Variants in NAV1 observed in about 807,000 individuals in gnomAD.
NAV1 encodes pore membrane and/or filament interacting like protein 3.
In NAV1, 18 loss-of-function variants were observed where a neutral mutation model predicts 175.2. The observed-to-expected ratio is 0.10, with a 90% CI of 0.07 to 0.15. The LOEUF (loss-of-function observed/expected upper bound fraction) is 0.15, where lower values mean the gene tolerates loss of function less well. Among genes scored for constraint, NAV1 ranks in the 10% least tolerant of loss-of-function variants. NAV1 has a pLI of 1.00. For missense variants in NAV1, 1,731 were observed against 2,436.6 expected (o/e 0.71, Z 6.10); for synonymous variants, 897 against 978.7 (o/e 0.92, Z 1.56).
chr1:201,705,312 C>G (rs1671623757), intron 1 of NAV1, among the ~76,000 whole-genome samples: 4 of 152,244 alleles, frequency 2.6e-5, no homozygotes, highest in Admixed American at 1.3e-4. Flanking sequence ...ATGCTCCTCT[C>G]TCTGGCCCCA....
At chr1:201,683,039 G>A (rs1028021373) in intron 1 of NAV1, among the ~76,000 whole-genome samples, 12 of 152,068 alleles carry the variant, frequency 7.9e-5, no homozygotes, top group African/African-American at 2.9e-4. Flanking sequence ...CTGGGTTTTA[G>A]CTCATGTTCT....
chr1:201,780,663 T>C (rs1017084831), intron 4 of NAV1, 104 bp downstream of exon 8: 14 of 1,466,502 alleles, frequency 9.5e-6, no homozygotes, highest in African/African-American at 6.9e-5. Flanking sequence ...CTCCATGGGA[T>C]TGGTTCTCAT....
At chr1:201,711,447 T>C (rs938639845) in intron 1 of NAV1, among the ~76,000 whole-genome samples, 15 of 151,706 alleles carry the variant, frequency 9.9e-5, no homozygotes, top group Admixed American at 9.2e-4. Flanking sequence ...CTGAGCTTAG[T>C]CTTGGGGGAA....
rs569189356 is a variant in NAV1 at position 201,737,707 on chromosome 1, G to T, written c.1226+18952G>T. Among the ~76,000 whole-genome samples, 13 of 152,248 alleles carry T rather than the reference G, an allele frequency of 8.5e-5. No individual in the cohort carries two copies. The South Asian group carries it at 2.7e-3, about 32-fold the overall frequency. Reference sequence around the variant, plus strand: ...TAAACCCCTGTGCCTACCCCTTTCAGGCCTCAGATCTCCCTCCTTCCAGGC... The same window carrying T: ...TAAACCCCTGTGCCTACCCCTTTCATGCCTCAGATCTCCCTCCTTCCAGGC... On this transcript the variant is annotated intron_variant, in intron 3 of 29. Coordinates refer to ENST00000367296, the Ensembl canonical transcript of NAV1.
chr1:201,574,666 C>T (rs1016084271), intron 1 of NAV1, among the ~76,000 whole-genome samples: 1 of 152,218 alleles, frequency 6.6e-6, no homozygotes, highest in Non-Finnish European at 1.5e-5. Flanking sequence ...GAACCACAGC[C>T]CAATTCGTGG....
intron 1 of NAV1, among the ~76,000 whole-genome samples, chr1:201,695,620 A>T (rs1008660534): frequency 6.6e-6 from 1 of 152,186 alleles, no homozygotes; most frequent in Non-Finnish European, 1.5e-5. Context: ...TTGGGGACCA[A>T]TCCGAAGGTG....
At chr1:201,691,989 G>T (rs1423765552) in intron 1 of NAV1, among the ~76,000 whole-genome samples, 5 of 152,174 alleles carry the variant, frequency 3.3e-5, no homozygotes, top group Admixed American at 3.3e-4. Context: ...GCCTCTCTTG[G>T]TCATTCTTCA....
At chr1:201,607,115 CTTTTT>C (rs914962230) in intron 2 of NAV1, among the ~76,000 whole-genome samples, 1 of 130,276 alleles carries the variant, frequency 7.7e-6, no homozygotes, top group Non-Finnish European at 1.7e-5. Flanking sequence ...TAATTTTTTT[CTTTTT>C]TTTTTTTTTT....
intron 1 of NAV1, among the ~76,000 whole-genome samples, chr1:201,661,310 C>T (rs1204379014): frequency 1.3e-5 from 2 of 152,152 alleles, no homozygotes; most frequent in Non-Finnish European, 2.9e-5. Flanking sequence ...TCAGTATCTG[C>T]CAAGTACCCT....
intron 1 of NAV1, among the ~76,000 whole-genome samples, chr1:201,652,816 T>G (rs559686455): frequency 2.0e-5 from 3 of 152,178 alleles, no homozygotes; most frequent in African/African-American, 7.2e-5. Flanking sequence ...CACCTCAATT[T>G]ATGATGGGGT....
intron 1 of NAV1, among the ~76,000 whole-genome samples, chr1:201,583,203 C>T (rs371176445): frequency 1.4e-4 from 22 of 152,354 alleles, no homozygotes; most frequent in South Asian, 6.2e-4. Context: ...TTGTGTGCCT[C>T]GGCTGGGCTC....
intron 2 of NAV1, among the ~76,000 whole-genome samples, chr1:201,609,446 G>A (rs1274789565): frequency 6.6e-6 from 1 of 152,202 alleles, no homozygotes; most frequent in Non-Finnish European, 1.5e-5. Context: ...TAATCCCCAC[G>A]ATCTCTCCTG....
At chr1:201,641,329 A>G (rs79802400) in intron 2 of NAV1, among the ~76,000 whole-genome samples, 2,228 of 152,234 alleles carry the variant, frequency 0.015, 48 homozygotes, top group African/African-American at 0.05. Flanking sequence ...GGTGACTGCA[A>G]CTGCTTCTGC....
intron 3 of NAV1, among the ~76,000 whole-genome samples, chr1:201,769,516 G>A (rs1675428594): frequency 6.6e-6 from 1 of 152,128 alleles, no homozygotes; most frequent in Admixed American, 6.5e-5. Flanking sequence ...ATAGTGATGG[G>A]GACTGAAAAG....
chr1:201,696,806 CCTCT>C (rs984654501), intron 1 of NAV1, among the ~76,000 whole-genome samples: 8 of 152,190 alleles, frequency 5.3e-5, no homozygotes, highest in African/African-American at 1.9e-4. Context: ...AGTTAACTGA[CCTCT>C]CTGAGCCAAA....
At chr1:201,654,991 C>T (rs552075487) in intron 1 of NAV1, among the ~76,000 whole-genome samples, 2 of 152,276 alleles carry the variant, frequency 1.3e-5, no homozygotes, top group South Asian at 2.1e-4. Context: ...TCCCAGGATC[C>T]CCTTTCTTAT....
intron 2 of NAV1, among the ~76,000 whole-genome samples, chr1:201,716,708 A>G (rs1394500407): frequency 6.6e-6 from 1 of 152,130 alleles, no homozygotes; most frequent in Non-Finnish European, 1.5e-5. Flanking sequence ...GCAAAACCCC[A>G]TCTCTATAAA....
chr1:201,810,124 G>C lies in NAV1; in HGVS notation c.4561+19G>C. 6.2e-7 allele frequency: 1 copy of C among 1,611,650 alleles called. No homozygotes were observed. The highest frequency in any genetic ancestry group is 1.3e-5 in the African/African-American group (1 of 74,858). On this transcript the variant is annotated intron_variant, in intron 23 of 29. Transcript: ENST00000367296. The surrounding 1 kb of genome is among the most constrained non-coding windows in gnomAD (Gnocchi z 6.0). ...CTCAAAGGTCAGTCTTTGTCTCTTGGGGTGAGGTGGTGTGGCATGAAGGCA... is the reference window on the plus strand; with the variant it reads ...CTCAAAGGTCAGTCTTTGTCTCTTGCGGTGAGGTGGTGTGGCATGAAGGCA...
At chr1:201,632,037 G>C (rs1571854071) in intron 2 of NAV1, among the ~76,000 whole-genome samples, 1 of 152,094 alleles carries the variant, frequency 6.6e-6, no homozygotes, top group African/African-American at 2.4e-5. Context: ...AGCTGAGAAA[G>C]ACCAACCAGT....
Sources: allele counts gnomAD v4.1 joint callset (sites outside exome capture counted in the v4.1 genomes callset), GRCh38; gene constraint gnomAD v4.1.1; non-coding constraint Gnocchi (gnomAD v3.1); transcripts MANE v1.5; gene names NCBI Gene and HGNC (gene_info 2026-07-23, HGNC 2026-07-21).